The following HHAT variants were observed in gnomAD, a reference collection of about 807,000 sequenced individuals.
HHAT encodes protein-cysteine N-palmitoyltransferase HHAT.
In HHAT, 47 loss-of-function variants were observed where a neutral mutation model predicts 70.8. That is an observed-to-expected ratio of 0.66 (90% confidence interval 0.53 to 0.85). The LOEUF (loss-of-function observed/expected upper bound fraction) is 0.85, where lower values mean the gene tolerates loss of function less well. HHAT is among the 40% of genes least tolerant of loss of function. The pLI is 0.00. For missense variants in HHAT, 609 were observed against 604.8 expected (o/e 1.01, Z -0.07); for synonymous variants, 228 against 247.6 (o/e 0.92, Z 0.74).
intron 11 of HHAT, among the ~76,000 whole-genome samples, chr1:210,656,414 G>A (rs1030282230): frequency 4.0e-5 from 6 of 149,742 alleles, no homozygotes; most frequent in African/African-American, 9.8e-5. Flanking sequence ...TACCCCCCCC[G>A]TCCCCCTGCC....
intron 7 of HHAT, among the ~76,000 whole-genome samples, chr1:210,445,195 G>T (rs990096078): frequency 6.6e-6 from 1 of 152,134 alleles, no homozygotes; most frequent in Non-Finnish European, 1.5e-5. Flanking sequence ...ATAATAGTGC[G>T]GAGAATATAA....
chr1:210,567,141 G>A (rs1654966651), intron 9 of HHAT, among the ~76,000 whole-genome samples: 1 of 152,210 alleles, frequency 6.6e-6, no homozygotes, highest in Non-Finnish European at 1.5e-5. Flanking sequence ...TGTGAGGGGT[G>A]TCAGGGAACT....
chr1:210,361,391 A>G lies in HHAT; in HGVS notation c.92-1461A>G, dbSNP rs147871120. Among the ~76,000 whole-genome samples the G allele has an allele frequency of 4.6e-5, 7 of 152,298 alleles. No individual in the cohort carries two copies. In the East Asian group the frequency reaches 1.3e-3, roughly 29 times the overall value. Reference sequence around the variant, plus strand: ...ACAGAGAGGACCAGTGCCCTACTGCAATCACACACCTCCATGGCACACCCA... The same window carrying G: ...ACAGAGAGGACCAGTGCCCTACTGCGATCACACACCTCCATGGCACACCCA... On this transcript the variant is annotated intron_variant, in intron 2 of 11. Transcript: ENST00000261458.
At chr1:210,672,783 T>G (rs1228987786) in intron 11 of HHAT, among the ~76,000 whole-genome samples, 1 of 152,196 alleles carries the variant, frequency 6.6e-6, no homozygotes, top group Non-Finnish European at 1.5e-5. Flanking sequence ...ACATCAGATA[T>G]TCTAAGACAA....
At chr1:210,674,099 C>T (rs1459022284) in intron 11 of HHAT, among the ~76,000 whole-genome samples, 189 bp from the exon 12 acceptor site, 1 of 152,102 alleles carries the variant, frequency 6.6e-6, no homozygotes, top group Admixed American at 6.5e-5. Flanking sequence ...CAATAGTGCA[C>T]TCCTCATTTT....
intron 1 of HHAT, among the ~76,000 whole-genome samples, chr1:210,338,517 A>T (rs938404628): frequency 6.6e-6 from 1 of 152,256 alleles, no homozygotes; most frequent in African/African-American, 2.4e-5. Context: ...TAATAGCATT[A>T]AAAACAACAA....
At chr1:210,522,773 C>A (rs1208101395) in intron 9 of HHAT, among the ~76,000 whole-genome samples, 1 of 152,040 alleles carries the variant, frequency 6.6e-6, no homozygotes, top group African/African-American at 2.4e-5. Context: ...CCCCCCACCC[C>A]CCAATCCCAC....
intron 6 of HHAT, among the ~76,000 whole-genome samples, chr1:210,405,839 C>T (rs531993263): frequency 1.4e-4 from 22 of 152,230 alleles, no homozygotes; most frequent in African/African-American, 3.9e-4. Flanking sequence ...GGTTTGGGAT[C>T]GTTCTTTTGT....
intron 8 of HHAT, among the ~76,000 whole-genome samples, chr1:210,480,337 G>A (rs1174166374): frequency 1.3e-5 from 2 of 152,196 alleles, no homozygotes; most frequent in Admixed American, 6.5e-5. Flanking sequence ...GCCTGAGGTT[G>A]CAATTTTTTG....
chr1:210,617,605 T>C lies in HHAT; in HGVS notation c.1246-5921T>C, dbSNP rs142345374. ...CTCTAACTAGACAGAGCCAGTTGTT[T>C]CCTTAGTTATTTGAAAGTACTCTGA... On this transcript the variant is annotated intron_variant, in intron 10 of 11. Transcript: ENST00000261458. Among the ~76,000 whole-genome samples, 819 of 152,342 alleles carry C rather than the reference T, an allele frequency of 5.4e-3. 4 individuals carry two copies. The highest frequency in any genetic ancestry group is 0.017 in the Middle Eastern group (5 of 294).
At chr1:210,492,774 A>AT (rs2094571630) in intron 8 of HHAT, among the ~76,000 whole-genome samples, 1 of 152,168 alleles carries the variant, frequency 6.6e-6, no homozygotes, top group Non-Finnish European at 1.5e-5. Flanking sequence ...AAGGGATTTC[A>AT]TTTTAGTAGC....
chr1:210,403,113 T>G (rs1397753018), intron 5 of HHAT, among the ~76,000 whole-genome samples: 1 of 152,254 alleles, frequency 6.6e-6, no homozygotes, highest in Non-Finnish European at 1.5e-5. Context: ...TATTTTTTGC[T>G]GTTTTTAGTC....
At chr1:210,522,770 C>T (rs189216548) in intron 9 of HHAT, among the ~76,000 whole-genome samples, 1 of 151,866 alleles carries the variant, frequency 6.6e-6, no homozygotes, top group African/African-American at 2.4e-5. Flanking sequence ...TTGCCCCCCA[C>T]CCCCCAATCC....
At chr1:210,367,383 C>T (rs1027000277) in intron 3 of HHAT, among the ~76,000 whole-genome samples, 2 of 152,086 alleles carry the variant, frequency 1.3e-5, no homozygotes, top group South Asian at 2.1e-4. Flanking sequence ...ATTGGTCCTA[C>T]GTGCCTCTAG....
intron 10 of HHAT, among the ~76,000 whole-genome samples, chr1:210,621,959 T>A (rs1382588662): frequency 6.6e-6 from 1 of 152,122 alleles, no homozygotes; most frequent in Non-Finnish European, 1.5e-5. Flanking sequence ...TGACAGAGGG[T>A]AGCAGCCAGA....
intron 8 of HHAT, among the ~76,000 whole-genome samples, chr1:210,473,664 A>AGACTTAATTT (rs927806904): frequency 6.6e-6 from 1 of 152,150 alleles, no homozygotes; most frequent in East Asian, 1.9e-4. Flanking sequence ...CTGCCCACAA[A>AGACTTAATTT]GACTTAATTT....
intron 11 of HHAT, among the ~76,000 whole-genome samples, chr1:210,648,989 A>G (rs1027569636): frequency 2.0e-5 from 3 of 152,252 alleles, no homozygotes; most frequent in Non-Finnish European, 4.4e-5. Context: ...TAATTTATTC[A>G]GAGTCAGACA....
At chr1:210,537,232 C>T (rs576753131) in intron 9 of HHAT, among the ~76,000 whole-genome samples, 3 of 152,288 alleles carry the variant, frequency 2.0e-5, no homozygotes, top group African/African-American at 4.8e-5. Context: ...ACAGAAAGCT[C>T]ACTTGTCTGA....
rs745668151 is a variant in HHAT, at chr1:210,335,644, G to T, written c.-44+6540G>T. Among the ~76,000 whole-genome samples, 9 of 152,280 alleles carry T rather than the reference G, an allele frequency of 5.9e-5. No individual in the cohort carries two copies. In the South Asian group the frequency reaches 6.2e-4, roughly 11 times the overall value. On this transcript the variant is annotated intron_variant, in intron 1 of 11. Transcript: ENST00000261458. ...ATACATCTGTGGTCTTTTGATTTATGACAGAGGCAACACTGCAGGGCAGTG... is the reference window on the plus strand; with the variant it reads ...ATACATCTGTGGTCTTTTGATTTATTACAGAGGCAACACTGCAGGGCAGTG...
Sources: allele counts gnomAD v4.1 joint callset (sites outside exome capture counted in the v4.1 genomes callset), GRCh38; gene constraint gnomAD v4.1.1; transcripts MANE v1.5; gene names NCBI Gene and HGNC (gene_info 2026-07-23, HGNC 2026-07-21).